The following DPYS variants were observed in gnomAD, a reference collection of about 807,000 sequenced individuals.
The protein encoded by DPYS is dihydropyrimidinase, also known as dihydropyrimidine amidohydrolase.
In DPYS, 39 loss-of-function variants were observed where a neutral mutation model predicts 50.3. The observed-to-expected ratio is 0.78, with a 90% CI of 0.60 to 1.01. The LOEUF is 1.01. DPYS is among the 50% of genes least tolerant of loss of function. The pLI, the probability that DPYS is intolerant of heterozygous loss-of-function variation, is 0.00. For missense variants in DPYS, 659 were observed against 680.9 expected (o/e 0.97, Z 0.36); for synonymous variants, 245 against 250.7 (o/e 0.98, Z 0.22).
chr8:104,419,265 T>C (rs1812472823), intron 7 of DPYS, among the ~76,000 whole-genome samples: 1 of 152,238 alleles, frequency 6.6e-6, no homozygotes, highest in African/African-American at 2.4e-5. Flanking sequence ...ATAAAATCTT[T>C]CTAATTTTCC....
At chr8:104,391,419 A>G (rs1242087396) in intron 8 of DPYS, among the ~76,000 whole-genome samples, 1 of 152,166 alleles carries the variant, frequency 6.6e-6, no homozygotes, top group East Asian at 1.9e-4. Context: ...AAAACCAGAA[A>G]TACCTCCTAG....
chr8:104,385,351 G>A (rs1221529248), intron 8 of DPYS, among the ~76,000 whole-genome samples: 1 of 152,050 alleles, frequency 6.6e-6, no homozygotes, highest in Non-Finnish European at 1.5e-5. Context: ...TTATGATATT[G>A]GGCAATTGTA....
intron 4 of DPYS, among the ~76,000 whole-genome samples, chr8:104,442,923 A>G (rs1172522315): frequency 5.3e-5 from 8 of 152,170 alleles, no homozygotes; most frequent in African/African-American, 1.7e-4. Flanking sequence ...TTAGCTGGGC[A>G]TGGTGGCACA....
intron 4 of DPYS, among the ~76,000 whole-genome samples, chr8:104,437,879 T>C (rs1257794759): frequency 6.6e-6 from 1 of 152,194 alleles, no homozygotes; most frequent in Non-Finnish European, 1.5e-5. Flanking sequence ...ATCTTACAGA[T>C]AATGAAAAGT....
intron 4 of DPYS, among the ~76,000 whole-genome samples, chr8:104,432,593 T>C (rs928493120): frequency 2.6e-5 from 4 of 152,174 alleles, no homozygotes; most frequent in Non-Finnish European, 5.9e-5. Flanking sequence ...ATTCAAAACA[T>C]TACATTTACA....
At chr8:104,429,449 G>A (rs1004220036) in intron 5 of DPYS, 96 bp downstream of exon 5, 1 of 1,530,210 alleles carries the variant, frequency 6.5e-7, no homozygotes, top group Non-Finnish European at 9.0e-7. Flanking sequence ...AGAGAATACT[G>A]GGAGGTTAGT....
At chr8:104,391,707 A>G (rs543006353) in intron 8 of DPYS, among the ~76,000 whole-genome samples, 1 of 152,240 alleles carries the variant, frequency 6.6e-6, no homozygotes, top group East Asian at 1.9e-4. Context: ...CAAAAGTGAC[A>G]TTTATTGACC....
intron 8 of DPYS, among the ~76,000 whole-genome samples, chr8:104,384,512 G>A (rs911708819): frequency 6.6e-6 from 1 of 152,190 alleles, no homozygotes; most frequent in African/African-American, 2.4e-5. Context: ...TTTCTAAGTA[G>A]ACTTAACCTC....
chr8:104,450,939 A>T (rs1813715405), intron 2 of DPYS, among the ~76,000 whole-genome samples: 1 of 152,250 alleles, frequency 6.6e-6, no homozygotes, highest in East Asian at 1.9e-4. Context: ...AAGAGAAATC[A>T]GTATATTAAA....
intron 7 of DPYS, among the ~76,000 whole-genome samples, chr8:104,396,701 A>C (rs1811599975): frequency 6.6e-6 from 1 of 152,164 alleles, no homozygotes; most frequent in African/African-American, 2.4e-5. Flanking sequence ...GTGGCTAAGA[A>C]AAGGAAGATG....
chr8:104,406,871 T>C (rs1812014859), intron 7 of DPYS, among the ~76,000 whole-genome samples: 1 of 152,236 alleles, frequency 6.6e-6, no homozygotes, highest in Non-Finnish European at 1.5e-5. Context: ...GTGGATCTAC[T>C]TTTCTGATTG....
chr8:104,464,433 C>A (rs548438659), intron 1 of DPYS, among the ~76,000 whole-genome samples: 1 of 152,336 alleles, frequency 6.6e-6, no homozygotes, highest in South Asian at 2.1e-4. Context: ...ATCTGGAACC[C>A]TGATGGCAGA....
intron 1 of DPYS, among the ~76,000 whole-genome samples, chr8:104,452,073 A>G (rs1324930281): frequency 6.6e-6 from 1 of 152,114 alleles, no homozygotes; most frequent in Non-Finnish European, 1.5e-5. Context: ...TAACCACTTG[A>G]CTCCAAAGAT....
At chr8:104,441,269 G>A (rs912815452) in intron 4 of DPYS, among the ~76,000 whole-genome samples, 2 of 152,136 alleles carry the variant, frequency 1.3e-5, no homozygotes, top group Non-Finnish European at 2.9e-5. Flanking sequence ...GGGAAAATAT[G>A]AGCAATGTCC....
At chr8:104,454,692 C>T (rs1813864935) in intron 1 of DPYS, among the ~76,000 whole-genome samples, 1 of 152,106 alleles carries the variant, frequency 6.6e-6, no homozygotes, top group South Asian at 2.1e-4. Context: ...AGCAAGTCTA[C>T]TTTTAAAATA....
Position 104,415,871 on chromosome 8 carries a change from C to T in DPYS, c.1235+8376G>A, listed in dbSNP as rs181997581. On this transcript the variant is annotated intron_variant, in intron 7 of 9. Transcript: ENST00000351513. ...AGTCATTATACAAAGATTTCTGACT[C>T]ACAGCTATAGCTAATAAGAGCTCCC... 2.6e-5 allele frequency among the ~76,000 whole-genome samples: 4 copies of T among 152,212 alleles called. No homozygotes were observed. The East Asian group carries it at 7.7e-4, about 29-fold the overall frequency.
At chr8:104,421,295 G>A (rs1057173455) in intron 7 of DPYS, 1 of 152,154 alleles carries the variant, frequency 6.6e-6, no homozygotes, top group African/African-American at 2.4e-5. Context: ...GATCATTAAT[G>A]TGATAAATAA....
intron 1 of DPYS, among the ~76,000 whole-genome samples, chr8:104,460,065 T>C (rs943829465): frequency 1.3e-5 from 2 of 152,188 alleles, no homozygotes; most frequent in Admixed American, 1.3e-4. Context: ...GTCTTTTCTT[T>C]TGTGAATCTC....
chr8:104,423,856 C>T, intron 7 of DPYS: 1 of 596,948 alleles, frequency 1.7e-6, no homozygotes, highest in African/African-American at 2.0e-5. Flanking sequence ...TGGAATTTTT[C>T]TATCTGAAAG....
Sources: allele counts gnomAD v4.1 joint callset (sites outside exome capture counted in the v4.1 genomes callset), GRCh38; gene constraint gnomAD v4.1.1; transcripts MANE v1.5; gene names NCBI Gene and HGNC (gene_info 2026-07-23, HGNC 2026-07-21).